Variants in CNTN1 observed in about 807,000 individuals in gnomAD.
CNTN1 encodes the protein contactin-1.
In CNTN1, 38 loss-of-function variants were observed where a neutral mutation model predicts 126.4. That is an observed-to-expected ratio of 0.30 (90% CI 0.23 to 0.39). The LOEUF (loss-of-function observed/expected upper bound fraction) is 0.39, where lower values mean the gene tolerates loss of function less well. Among genes scored for constraint, CNTN1 ranks in the 10% least tolerant of loss-of-function variants. The pLI, the probability that CNTN1 is intolerant of heterozygous loss-of-function variation, is 1.00. For missense variants in CNTN1, 1,009 were observed against 1,248.4 expected, an observed-to-expected ratio of 0.81 and a Z score of 2.89; for synonymous variants, 413 against 422.6, an observed-to-expected ratio of 0.98 and a Z score of 0.28.
chr12:40,930,064 G>A (rs1025576721), intron 7 of CNTN1, 62 bp downstream of exon 7: 6 of 1,256,606 alleles, frequency 4.8e-6, no homozygotes, highest in Non-Finnish European at 5.8e-6. Context: ...TATACTTACC[G>A]TAATGAAAAG....
At chr12:40,762,993 C>T (rs532545834) in intron 1 of CNTN1, 3 of 152,280 alleles carry the variant, frequency 2.0e-5, no homozygotes, top group African/African-American at 7.2e-5. Context: ...GCTTGGCGCC[C>T]TCCCTGCGGT....
intron 15 of CNTN1, among the ~76,000 whole-genome samples, chr12:40,973,906 T>C (rs1947598647): frequency 6.6e-6 from 1 of 152,160 alleles, no homozygotes; most frequent in South Asian, 2.1e-4. Context: ...CAATTTGATT[T>C]ATCAAAAAAA....
chr12:41,013,141 A>G (rs1185708120), intron 17 of CNTN1, among the ~76,000 whole-genome samples: 1 of 152,132 alleles, frequency 6.6e-6, no homozygotes, highest in Non-Finnish European at 1.5e-5. Flanking sequence ...TTGATCAGGT[A>G]TGATGTTTAC....
At chr12:40,872,060 G>A (rs569162125) in intron 1 of CNTN1, among the ~76,000 whole-genome samples, 7 of 152,058 alleles carry the variant, frequency 4.6e-5, no homozygotes, top group East Asian at 1.9e-4. Context: ...AAGTTACCTC[G>A]GAAGTCATCT....
At chr12:40,873,107 A>G (rs1374754909) in intron 1 of CNTN1, among the ~76,000 whole-genome samples, 2 of 152,146 alleles carry the variant, frequency 1.3e-5, no homozygotes, top group Non-Finnish European at 2.9e-5. Flanking sequence ...AAGTATCACA[A>G]TCATGTGACT....
rs151154562 is a variant in CNTN1 at position 41,058,744 on chromosome 12, CCAAGG to C, written c.2981-11214_2981-11210del. Among the ~76,000 whole-genome samples the C allele has an allele frequency of 9.1e-3, 1,391 of 152,074 alleles. 20 individuals are homozygous for C. The highest frequency in any genetic ancestry group is 0.031 in the African/African-American group (1,293 of 41,502). ...CAAGGAAATTCTGTGCAGATACAAT[CCAAGG>C]TGATTAGAATTATTTTATATCTTCA... On this transcript the variant is annotated intron_variant, in intron 23 of 23. Coordinates refer to ENST00000551295, the MANE Select transcript of CNTN1 (RefSeq NM_001843.4).
chr12:40,703,671 C>T (rs577407968), intron 1 of CNTN1, among the ~76,000 whole-genome samples: 1 of 152,256 alleles, frequency 6.6e-6, no homozygotes, highest in African/African-American at 2.4e-5. Flanking sequence ...AGAAGAGTTT[C>T]TAGACATGTA....
chr12:40,911,214 G>A (rs1945017403), intron 3 of CNTN1, among the ~76,000 whole-genome samples: 1 of 152,096 alleles, frequency 6.6e-6, no homozygotes, highest in South Asian at 2.1e-4. Flanking sequence ...CCGAGTAGCT[G>A]GGACTACAGG....
At chr12:41,051,399 C>T (rs1429870831) in intron 23 of CNTN1, among the ~76,000 whole-genome samples, 2 of 151,898 alleles carry the variant, frequency 1.3e-5, no homozygotes, top group African/African-American at 4.8e-5. Context: ...GATCCACCCA[C>T]CTCGGCCTCC....
Position 40,922,353 on chromosome 12 carries a change from G to C in CNTN1, c.325G>C (p.Ala109Pro). 6.2e-7 allele frequency: 1 copy of C among 1,614,066 alleles called. No individual in the cohort carries two copies. Among genetic ancestry groups the C allele is most frequent in the Non-Finnish European group, 8.5e-7 (1 of 1,179,948 alleles). The change falls in exon 5 of 24, where the codon GCT (alanine) becomes CCT (proline). Residue 109 changes from alanine (A) to proline (P), a missense_variant. Physicochemically the swap from Ala to Pro is conservative, Grantham distance 27 (BLOSUM62 -1). Coordinates refer to ENST00000551295, the MANE Select transcript of CNTN1 (RefSeq NM_001843.4). ...CAACAACCCTGACAAACAGAAAGAT[G>C]CTGGAATATACTACTGTTTAGCATC... The part of the protein sequence containing the change: ...VINNPDKQKD[A>P]GIYYCLASNN...
chr12:40,922,055 TTGTCTG>T (rs1353968216), intron 4 of CNTN1, among the ~76,000 whole-genome samples, 195 bp from the exon 5 acceptor site: 5 of 152,222 alleles, frequency 3.3e-5, no homozygotes, highest in African/African-American at 1.2e-4. Context: ...TGATGTTTCC[TTGTCTG>T]TACTTGAGCT....
chr12:40,983,248 T>C (rs2120402245), intron 16 of CNTN1, among the ~76,000 whole-genome samples: 1 of 152,252 alleles, frequency 6.6e-6, no homozygotes, highest in Middle Eastern at 3.4e-3. Context: ...TGGCCACATA[T>C]AGTTGGATTT....
At chr12:40,735,428 G>A (rs781437202) in intron 1 of CNTN1, among the ~76,000 whole-genome samples, 9 of 152,038 alleles carry the variant, frequency 5.9e-5, no homozygotes, top group African/African-American at 9.7e-5. Flanking sequence ...TCGTTCCCAC[G>A]GAAAAATCAC....
intron 23 of CNTN1, among the ~76,000 whole-genome samples, chr12:41,055,164 T>C (rs900674142): frequency 6.6e-6 from 1 of 152,158 alleles, no homozygotes; most frequent in Non-Finnish European, 1.5e-5. Context: ...TATCTTGGAT[T>C]GGTCTATGAA....
chr12:40,918,896 T>C, intron 4 of CNTN1, 125 bp downstream of exon 4: 2 of 1,184,278 alleles, frequency 1.7e-6, no homozygotes, highest in Non-Finnish European at 2.5e-6. Flanking sequence ...AACAAAAATA[T>C]TGGCATACAA....
At chr12:40,959,081 A>G (rs1260073369) in intron 14 of CNTN1, 33 bp from the exon 15 acceptor site, 4 of 1,611,224 alleles carry the variant, frequency 2.5e-6, no homozygotes, top group Non-Finnish European at 3.4e-6. Context: ...TGAAAAATGT[A>G]CTGATTTGAA....
At chr12:40,876,595 A>G (rs1943678329) in intron 1 of CNTN1, among the ~76,000 whole-genome samples, 1 of 152,136 alleles carries the variant, frequency 6.6e-6, no homozygotes, top group Admixed American at 6.6e-5. Context: ...ATTAAGGAGA[A>G]TATGTTTAAA....
chr12:41,062,075 A>G (rs942053364), intron 23 of CNTN1, among the ~76,000 whole-genome samples: 2 of 152,202 alleles, frequency 1.3e-5, no homozygotes, highest in Admixed American at 1.3e-4. Context: ...CTGAACCTCA[A>G]AGATCAAACC....
At chr12:40,970,912 T>C (rs765308068) in intron 15 of CNTN1, among the ~76,000 whole-genome samples, 1 of 152,184 alleles carries the variant, frequency 6.6e-6, no homozygotes, top group Non-Finnish European at 1.5e-5. Context: ...TTTATAAACA[T>C]TGTCCTTTAC....
Sources: gnomAD v4.1 joint callset for allele counts (sites outside exome capture counted in the v4.1 genomes callset) on GRCh38, gnomAD v4.1.1 for gene constraint, MANE v1.5 for transcripts, NCBI Gene and HGNC (gene_info 2026-07-23, HGNC 2026-07-21) for gene names.